Variants in KIAA1671 observed in about 807,000 individuals in gnomAD.
KIAA1671 encodes the protein uncharacterized protein KIAA1671.
A neutral mutation model predicts 131.2 loss-of-function variants in KIAA1671; 52 were observed. The observed-to-expected ratio is 0.40, with a 90% CI of 0.32 to 0.50. The LOEUF (loss-of-function observed/expected upper bound fraction) is 0.50. Ranked by LOEUF, KIAA1671 falls within the 20% of genes least tolerant of loss-of-function variation. KIAA1671 has a pLI of 0.73. For synonymous variants in KIAA1671, 1,003 were observed against 961.6 expected (o/e 1.04, Z -0.80); for missense variants, 2,360 against 2,364.2 (o/e 1.00, Z 0.04).
chr22:25,036,637 G>C (rs1926613910), intron 4 of KIAA1671, among the ~76,000 whole-genome samples: 2 of 152,060 alleles, frequency 1.3e-5, no homozygotes, highest in Non-Finnish European at 2.9e-5. Context: ...TTTGAACTTT[G>C]GCCGGGCGTG....
chr22:25,152,285 C>T (rs563874580), intron 6 of KIAA1671, among the ~76,000 whole-genome samples: 6 of 152,302 alleles, frequency 3.9e-5, no homozygotes, highest in African/African-American at 9.6e-5. Context: ...GACTGGGACC[C>T]AGGCCAAGCC....
At chr22:25,137,351 G>A (rs141855637) in intron 6 of KIAA1671, among the ~76,000 whole-genome samples, 1 of 152,090 alleles carries the variant, frequency 6.6e-6, no homozygotes, top group African/African-American at 2.4e-5. Context: ...CCCACAGCCC[G>A]AATTCTCTTC....
chr22:24,972,660 CCCTT>C (rs3063198), intron 1 of KIAA1671, among the ~76,000 whole-genome samples: 29,549 of 151,432 alleles, frequency 0.2, 3,429 homozygotes, highest in African/African-American at 0.31. Flanking sequence ...TTCCCTCCCT[CCCTT>C]CCTTCCTTCC....
chr22:25,134,431 G>A lies in KIAA1671; in HGVS notation c.4531-36389G>A, dbSNP rs551126245. 3.9e-5 allele frequency among the ~76,000 whole-genome samples: 6 copies of A among 152,246 alleles called. No homozygotes were observed. In the South Asian group the frequency reaches 1.2e-3, roughly 32 times the overall value. On this transcript the variant is annotated intron_variant, in intron 6 of 12. Transcript: ENST00000358431. ...ATTCTCCCAACACTTTTATAGGCATGTGATGCATACGGTTTTTTCATTATT... is the reference window on the plus strand; with the variant it reads ...ATTCTCCCAACACTTTTATAGGCATATGATGCATACGGTTTTTTCATTATT...
At chr22:25,106,565 T>C (rs1202637333) in intron 6 of KIAA1671, among the ~76,000 whole-genome samples, 2 of 152,204 alleles carry the variant, frequency 1.3e-5, no homozygotes, top group African/African-American at 2.4e-5. Context: ...ATAAGAGCTA[T>C]AGCTGGGTCT....
At chr22:25,117,364 AC>A (rs1931717093) in intron 6 of KIAA1671, among the ~76,000 whole-genome samples, 1 of 152,074 alleles carries the variant, frequency 6.6e-6, no homozygotes, top group South Asian at 2.1e-4. Flanking sequence ...AGGGGAAGTC[AC>A]AGGACTGGGG....
intron 1 of KIAA1671, among the ~76,000 whole-genome samples, chr22:24,992,351 T>C (rs5760779): frequency 0.51 from 77,709 of 151,808 alleles, 21,692 homozygotes; most frequent in African/African-American, 0.75. Context: ...GGGAATGTAC[T>C]TACCGTGTGC....
At chr22:25,189,126 C>CTTTTTTTTTTTTTTTTTTTTTT (rs200226589) in intron 11 of KIAA1671, among the ~76,000 whole-genome samples, 422 of 114,768 alleles carry the variant, frequency 3.7e-3, no homozygotes, top group African/African-American at 5.8e-3. Context: ...CAGTCTTTTT[C>CTTTTTTTTTTTTTTTTTTTTTT]TTTTTTTTTT....
intron 6 of KIAA1671, among the ~76,000 whole-genome samples, chr22:25,121,612 G>T (rs2145929447): frequency 6.6e-6 from 1 of 152,280 alleles, no homozygotes; most frequent in East Asian, 1.9e-4. Flanking sequence ...TGCGCAATTT[G>T]GTGGTATAAA....
chr22:25,170,823 C>T lies in KIAA1671; in HGVS notation c.4534C>T (p.Gln1512Ter), dbSNP rs1933821337. 6.4e-7 allele frequency: 1 copy of T among 1,551,642 alleles called. No homozygotes were observed. Among genetic ancestry groups the T allele is most frequent in the Non-Finnish European group, 8.7e-7 (1 of 1,146,966 alleles). ...KDRRSGPFVD[Q>*]LKQCFSRQPT... ...CACATCTGGCTTGTCTTTGCAGGAC[C>T]AGCTGAAGCAGTGTTTCTCCCGGCA... Residue 1512 changes from glutamine (Q) to a stop codon, truncating the protein, a stop_gained, in exon 7 of 13, where the codon CAG becomes TAG. Transcript: ENST00000358431. LOFTEE classifies it high-confidence loss of function.
rs1926810292 is a variant in KIAA1671, at chr22:25,039,763, C to T, written c.2633C>T (p.Pro878Leu). 21 of 1,496,970 alleles carry T rather than the reference C, an allele frequency of 1.4e-5. No homozygotes were observed. In the South Asian group the frequency reaches 2.5e-4, roughly 18 times the overall value. 92.7% of individuals were successfully genotyped at this position (1,496,970 alleles called of 1,614,324 possible). A position where few individuals can be genotyped will look rare whatever the true frequency, so the allele number is the denominator to read the frequency against. The change falls in exon 5 of 13, where the codon CCA (proline) becomes CTA (leucine). Residue 878 changes from proline (P) to leucine (L), a missense_variant. This residue lies in a region of KIAA1671 where 1,161 missense variants were observed against 1,204.7 expected (regional missense o/e 0.96). Coordinates refer to ENST00000358431, the MANE Select transcript of KIAA1671 (RefSeq NM_001145206.2). ...RSKPGVGARG[P>L]PQGCPLDPLS... ...AAGCCAGGAGTGGGAGCAAGGGGCC[C>T]ACCCCAGGGATGCCCCCTCGATCCT...
At chr22:25,003,229 C>T (rs971232546) in intron 1 of KIAA1671, among the ~76,000 whole-genome samples, 2 of 152,066 alleles carry the variant, frequency 1.3e-5, no homozygotes, top group African/African-American at 4.8e-5. Flanking sequence ...TAAAATACTA[C>T]CTGCCTCCGA....
intron 1 of KIAA1671, among the ~76,000 whole-genome samples, chr22:25,004,581 A>G (rs567297936): frequency 1.0e-3 from 154 of 152,328 alleles, no homozygotes; most frequent in Middle Eastern, 3.4e-3. Context: ...CCCTCCAGGA[A>G]ACAAATTTAA....
chr22:25,153,216 C>T (rs5752073), intron 6 of KIAA1671, among the ~76,000 whole-genome samples: 16,114 of 152,240 alleles, frequency 0.11, 929 homozygotes, highest in East Asian at 0.16. Context: ...TTTTCCCACA[C>T]ATCCCCCAAG....
Position 25,181,767 on chromosome 22 carries a change from G to A in KIAA1671, c.5143G>A (p.Val1715Ile), listed in dbSNP as rs1199600693. The change falls in exon 10 of 13, where the codon GTC becomes ATC. Residue 1715 changes from valine (V) to isoleucine (I), a missense_variant. Val to Ile is a conservative substitution (Grantham distance 29). Transcript: ENST00000358431. ...GGCATCCAAAGCTGAGAGGACCCCT[G>A]TCAGCCATCCTCAGAGGATGCCTGC... ...ETASKAERTP[V>I]SHPQRMPAFP... 6 of 1,551,462 alleles carry A rather than the reference G, an allele frequency of 3.9e-6. No individual in the cohort carries two copies. The highest frequency in any genetic ancestry group is 3.9e-5 in the Admixed American group (2 of 50,976).
In KIAA1671 at chr22:25,049,540, T is replaced by C; in HGVS notation, c.4530+176T>C. 1.6e-5 allele frequency: 11 copies of C among 672,444 alleles called. No individual in the cohort carries two copies. In the South Asian group the frequency reaches 2.6e-4, roughly 16 times the overall value. The allele number at this position is 672,444 out of a possible 1,614,324, so 41.7% of individuals were successfully genotyped here. On this transcript the variant is annotated intron_variant, in intron 6 of 12. Coordinates refer to ENST00000358431, the MANE Select transcript of KIAA1671 (RefSeq NM_001145206.2). ...ACTAGCTGTGTTGTGGTTCTTGATG[T>C]GGAGGGTGTTTGGTGGCTCTGCTGG...
intron 6 of KIAA1671, among the ~76,000 whole-genome samples, chr22:25,078,764 G>A (rs533961955): frequency 2.6e-5 from 4 of 152,258 alleles, no homozygotes; most frequent in African/African-American, 9.6e-5. Context: ...TAGAAGAACT[G>A]ACTATTTTTG....
chr22:24,960,654 C>CTTTTTTTTTTTTTTT (rs34901740), intron 1 of KIAA1671, among the ~76,000 whole-genome samples: 1 of 71,540 alleles, frequency 1.4e-5, no homozygotes, highest in Non-Finnish European at 2.5e-5. Context: ...TTTTCAGGTT[C>CTTTTTTTTTTTTTTT]TTTTTTTTTT....
At chr22:25,092,728 G>A (rs551489253) in intron 6 of KIAA1671, among the ~76,000 whole-genome samples, 17 of 152,298 alleles carry the variant, frequency 1.1e-4, no homozygotes, top group South Asian at 4.1e-4. Flanking sequence ...GAGGAACTAC[G>A]GAGGGTCCCC....
Sources: allele counts gnomAD v4.1 joint callset (sites outside exome capture counted in the v4.1 genomes callset), GRCh38; gene constraint gnomAD v4.1.1; regional missense constraint gnomAD v4.1.1; transcripts MANE v1.5; gene names NCBI Gene and HGNC (gene_info 2026-07-23, HGNC 2026-07-21).